RHCG: variants seen among roughly 807,000 people sequenced by gnomAD.
RHCG encodes ammonium transporter Rh type C.
RHCG carries 39 observed loss-of-function variants against 55.3 expected under a neutral mutation model. The ratio of observed to expected loss-of-function variants is 0.70; its 90% CI spans 0.55 to 0.92. RHCG has a LOEUF of 0.92. Ranked by LOEUF, RHCG falls within the 40% of genes least tolerant of loss-of-function variation. The pLI is 0.00. For missense variants in RHCG, 635 were observed against 627.9 expected (o/e 1.01, Z -0.12); for synonymous variants, 250 against 246.8 (o/e 1.01, Z -0.12).
chr15:89,472,767 G>C lies in RHCG; in HGVS notation c.1408C>G (p.Pro470Ala), dbSNP rs1273183467. ...ACCAAGGGTACCGAGGAAGCCATGG[G>C]TAGTGGGGACACCATGGGTACTGAG... is the stretch of plus-strand genomic sequence containing the variant. ...VPSVPMVSPL[P>A]MASSVPLVP is the part of the protein sequence containing the mutation. Residue 470 changes from proline to alanine, a missense_variant, in exon 10 of 11, where the codon CCC becomes GCC. By Grantham distance (27) the Pro-to-Ala change is conservative. Transcript: ENST00000268122. 1 of 1,590,764 alleles carries C rather than the reference G, an allele frequency of 6.3e-7. No homozygotes were observed. Among genetic ancestry groups the C allele is most frequent in the South Asian group, 1.1e-5 (1 of 87,470 alleles).
chr15:89,474,908 GCCTTCCTT>G (rs1961110181), intron 9 of RHCG, among the ~76,000 whole-genome samples: 2 of 106,778 alleles, frequency 1.9e-5, no homozygotes, highest in African/African-American at 8.8e-5. Context: ...CTTCCTGCCT[GCCTTCCTT>G]CCTGCCTGCC....
At chr15:89,494,813 TTAA>T (rs1204928338) in intron 1 of RHCG, among the ~76,000 whole-genome samples, 8 of 151,994 alleles carry the variant, frequency 5.3e-5, no homozygotes, top group Non-Finnish European at 1.2e-4. Context: ...CCCAGCCTAT[TTAA>T]GGTCTTGAGG....
At chr15:89,478,333 C>G (rs1961196249) in intron 5 of RHCG, among the ~76,000 whole-genome samples, 1 of 152,200 alleles carries the variant, frequency 6.6e-6, no homozygotes, top group Non-Finnish European at 1.5e-5. Flanking sequence ...GCCATGGATG[C>G]AAGTCCACGT....
At chr15:89,483,360 T>A in intron 2 of RHCG, 143 bp from the exon 3 acceptor site, 1 of 689,956 alleles carries the variant, frequency 1.4e-6, no homozygotes, top group Non-Finnish European at 2.3e-6. Context: ...AATGGGCACC[T>A]AACATTTAGA....
Position 89,479,361 on chromosome 15 carries a change from T to A in RHCG, c.798A>T (p.Ala266=), listed in dbSNP as rs757244959. 6.2e-7 allele frequency: 1 copy of A among 1,614,162 alleles called. No individual in the cohort carries two copies. Among genetic ancestry groups the A allele is most frequent in the Non-Finnish European group, 8.5e-7 (1 of 1,180,030 alleles). Residue 266 remains alanine, a synonymous_variant, in exon 5 of 11, where the codon GCA becomes GCT. Transcript: ENST00000268122. ...CCTTCTTGTGCAGGGCACTGGATAT[T>A]GCCACCGAGGTAAGCACGCAGGCTG... ...SLAACVLTSV[A]ISSALHKKGK... is the part of the protein sequence containing the mutation.
chr15:89,477,599 G>A lies in RHCG; in HGVS notation c.1030C>T (p.His344Tyr), dbSNP rs749878710. ...CCGCCTATGATGCCAGGAATGCCAT[G>A]CAGATTGTTAATGCCACATGTGTCC... ...IQDTCGINNL[H>Y]GIPGIIGGIV... Residue 344 changes from histidine to tyrosine, a missense_variant, in exon 7 of 11, where the codon CAT becomes TAT. Transcript: ENST00000268122. This position sits in a 1 kb window ranked among gnomAD's most constrained non-coding sequence, Gnocchi z 4.5. The A allele has an allele frequency of 1.1e-5, 17 of 1,614,036 alleles. No homozygotes were observed. The highest frequency in any genetic ancestry group is 1.3e-5 in the African/African-American group (1 of 74,922).
intron 9 of RHCG, among the ~76,000 whole-genome samples, chr15:89,474,323 G>A (rs1316514898): frequency 6.6e-6 from 1 of 152,192 alleles, no homozygotes; most frequent in Non-Finnish European, 1.5e-5. Context: ...CATTCGTTAT[G>A]TGCATGAAGT....
chr15:89,480,509 T>A (rs895918154), intron 3 of RHCG, 101 bp from the exon 4 acceptor site: 5 of 1,402,704 alleles, frequency 3.6e-6, no homozygotes, highest in Admixed American at 3.8e-5. Flanking sequence ...AGCTCCAGCC[T>A]TCTCGGACTC....
At chr15:89,489,131 G>T (rs1961427834) in intron 1 of RHCG, among the ~76,000 whole-genome samples, 1 of 152,068 alleles carries the variant, frequency 6.6e-6, no homozygotes. Flanking sequence ...TGTTGTTGTT[G>T]TTGAGACATA....
rs200634957 is a variant in RHCG, at chr15:89,496,489, T to G, written c.56A>C (p.Gln19Pro). Residue 19 changes from glutamine (Q) to proline (P), a missense_variant, in exon 1 of 11, where the codon CAG becomes CCG. By Grantham distance (76) the Gln-to-Pro change is moderately conservative. Coordinates refer to ENST00000268122, the MANE Select transcript of RHCG (RefSeq NM_016321.3). ...CCCGAAGAGAATCACCATAATCACC[T>G]GCAGGAGCAGGCAGGTGAGCGGCAG... ...WRLPLTCLLL[Q>P]VIMVILFGVF... The G allele has an allele frequency of 6.2e-7, 1 of 1,613,748 alleles. No homozygotes were observed. Among genetic ancestry groups the G allele is most frequent in the East Asian group, 2.2e-5 (1 of 44,872 alleles).
At chr15:89,486,509 G>A (rs1488440669) in intron 2 of RHCG, 4 of 497,736 alleles carry the variant, frequency 8.0e-6, no homozygotes, top group East Asian at 5.5e-5. Context: ...ACACTTGGAC[G>A]ACTCCCACCC....
intron 3 of RHCG, among the ~76,000 whole-genome samples, chr15:89,481,849 T>G (rs1054116746): frequency 6.6e-6 from 1 of 152,184 alleles, no homozygotes; most frequent in Non-Finnish European, 1.5e-5. Context: ...TTGCCCAGGC[T>G]GGAGTGCAAT....
chr15:89,485,064 T>A (rs913572144), intron 2 of RHCG, among the ~76,000 whole-genome samples: 11 of 152,292 alleles, frequency 7.2e-5, no homozygotes, highest in Admixed American at 2.0e-4. Context: ...CAGCTCCAAG[T>A]CAGGTGCTGA....
At chr15:89,486,599 A>AGAGAGAGAGAGTGTGTGTGTGT in intron 2 of RHCG, 200 bp downstream of exon 2, 2 of 264,490 alleles carry the variant, frequency 7.6e-6, no homozygotes, top group Non-Finnish European at 1.4e-5. Flanking sequence ...AGAGAGAGAG[A>AGAGAGAGAGAGTGTGTGTGTGT]GTGTGTGTGT....
Position 89,477,664 on chromosome 15 carries a change from G to A in RHCG, c.976-11C>T. 6.2e-7 allele frequency: 1 copy of A among 1,613,928 alleles called. No individual in the cohort carries two copies. Among genetic ancestry groups the A allele is most frequent in the Non-Finnish European group, 8.5e-7 (1 of 1,179,984 alleles). ...GGACTCCAGGAATGGCTGGAGACGG[G>A]AGGTGGGTGCTGCTCAGGCCGGGGG... On this transcript the variant is annotated splice_polypyrimidine_tract_variant and intron_variant, in intron 6 of 10. Coordinates refer to ENST00000268122, the MANE Select transcript of RHCG (RefSeq NM_016321.3). The surrounding 1 kb of genome is among the most constrained non-coding windows in gnomAD (Gnocchi z 4.5).
chr15:89,487,070 C>T (rs1233849771), intron 1 of RHCG, 85 bp from the exon 2 acceptor site: 8 of 1,273,652 alleles, frequency 6.3e-6, no homozygotes, highest in Middle Eastern at 2.7e-4. Context: ...GCCGGGGTAG[C>T]CCCTCAGTCT....
chr15:89,488,715 G>T (rs544380839), intron 1 of RHCG, among the ~76,000 whole-genome samples: 80 of 147,964 alleles, frequency 5.4e-4, no homozygotes, highest in African/African-American at 2.0e-3. Flanking sequence ...ATGACAAAAG[G>T]TATTAAAGTT....
rs1258451860 is a variant in RHCG at position 89,486,950 on chromosome 15, A to G, written c.220T>C (p.Phe74Leu). The change falls in exon 2 of 11, where the codon TTC becomes CTC. Residue 74 changes from phenylalanine (F) to leucine (L), a missense_variant. Phe to Leu is a conservative substitution (Grantham distance 22, BLOSUM62 0). Coordinates refer to ENST00000268122, the MANE Select transcript of RHCG (RefSeq NM_016321.3). ...TGCAGGAAAGTCATGAGGAAGCCGA[A>G]GCCCACGAAGACCATCACGTGCACG... is the stretch of plus-strand genomic sequence containing the variant. ...QDVHVMVFVG[F>L]GFLMTFLQRY... The G allele has an allele frequency of 2.5e-6, 4 of 1,607,868 alleles. No homozygotes were observed. The highest frequency in any genetic ancestry group is 3.4e-6 in the Non-Finnish European group (4 of 1,175,346).
intron 1 of RHCG, among the ~76,000 whole-genome samples, chr15:89,487,749 CA>C (rs1478838810): frequency 6.6e-6 from 1 of 152,234 alleles, no homozygotes; most frequent in African/African-American, 2.4e-5. Context: ...GAGGATTAAA[CA>C]CACATGTGTA....
Sources: gnomAD v4.1 joint callset for allele counts (sites outside exome capture counted in the v4.1 genomes callset) on GRCh38, gnomAD v4.1.1 for gene constraint, Gnocchi (gnomAD v3.1) non-coding constraint, MANE v1.5 for transcripts, NCBI Gene and HGNC (gene_info 2026-07-23, HGNC 2026-07-21) for gene names.